Variants in EYS observed in about 807,000 individuals in gnomAD.
The protein encoded by EYS is EGF-like photoreceptor maintenance factor, also known as protein eyes shut homolog.
Under a neutral mutation model 282.1 loss-of-function variants are expected in EYS, and 250 were observed. That is an observed-to-expected ratio of 0.89 (90% CI 0.80 to 0.98). EYS has a LOEUF of 0.98. Ranked by LOEUF, EYS falls within the 50% of genes least tolerant of loss-of-function variation. EYS has a pLI of 0.00. For synonymous variants in EYS, 1,355 were observed against 1,282.9 expected (o/e 1.06, Z -1.20); for missense variants, 4,016 against 3,709.0 (o/e 1.08, Z -2.15).
At chr6:64,020,265 C>T (rs1024265119) in intron 33 of EYS, among the ~76,000 whole-genome samples, 2 of 152,094 alleles carry the variant, frequency 1.3e-5, no homozygotes, top group Non-Finnish European at 2.9e-5. Flanking sequence ...GTGGTGAATA[C>T]CCTAAGTATC....
At chr6:64,324,728 G>T (rs1263772924) in intron 29 of EYS, among the ~76,000 whole-genome samples, 1 of 152,156 alleles carries the variant, frequency 6.6e-6, no homozygotes, top group Non-Finnish European at 1.5e-5. Context: ...TAAAGACTCT[G>T]CCAAAAGGCT....
At chr6:63,942,956 C>G (rs144594966) in intron 35 of EYS, among the ~76,000 whole-genome samples, 1 of 152,256 alleles carries the variant, frequency 6.6e-6, no homozygotes, top group African/African-American at 2.4e-5. Flanking sequence ...TTATGATTTT[C>G]TTACTAGTGT....
intron 16 of EYS, among the ~76,000 whole-genome samples, chr6:64,907,030 T>C (rs1415157302): frequency 1.3e-5 from 2 of 152,128 alleles, no homozygotes; most frequent in Non-Finnish European, 2.9e-5. Flanking sequence ...TTAATCTTCA[T>C]GTGGTTTTGT....
At chr6:64,187,707 A>C (rs2150314960) in intron 31 of EYS, among the ~76,000 whole-genome samples, 1 of 152,208 alleles carries the variant, frequency 6.6e-6, no homozygotes, top group South Asian at 2.1e-4. Context: ...AGAGAGGAGA[A>C]ACCAGGAAGC....
At chr6:63,742,519 C>A (rs67959580) in intron 41 of EYS, among the ~76,000 whole-genome samples, 2 of 152,096 alleles carry the variant, frequency 1.3e-5, no homozygotes, top group African/African-American at 2.4e-5. Context: ...GTGGCAAGAG[C>A]CTTTACTTTC....
At chr6:65,654,561 G>A (rs979065014) in intron 1 of EYS, among the ~76,000 whole-genome samples, 1 of 151,752 alleles carries the variant, frequency 6.6e-6, no homozygotes, top group African/African-American at 2.4e-5. Flanking sequence ...AAAACTGATA[G>A]ATATCAGAAA....
chr6:64,960,462 T>G (rs371822387), intron 14 of EYS, among the ~76,000 whole-genome samples: 55 of 152,296 alleles, frequency 3.6e-4, no homozygotes, highest in African/African-American at 1.3e-3. Flanking sequence ...TACAGTGTTT[T>G]GTATAACTTT....
chr6:64,105,113 A>G (rs112319239), intron 31 of EYS, among the ~76,000 whole-genome samples: 38 of 152,166 alleles, frequency 2.5e-4, no homozygotes, highest in African/African-American at 8.9e-4. Context: ...AAGAGGAAAG[A>G]AAATTCAAAG....
intron 30 of EYS, among the ~76,000 whole-genome samples, chr6:64,302,031 A>G (rs759911306): frequency 2.2e-4 from 33 of 152,318 alleles, no homozygotes; most frequent in Admixed American, 5.9e-4. Context: ...TCTAAAGCAC[A>G]CCCTGTGTGC....
At chr6:65,523,807 C>T (rs1248180364) in intron 2 of EYS, among the ~76,000 whole-genome samples, 3 of 152,132 alleles carry the variant, frequency 2.0e-5, no homozygotes, top group Non-Finnish European at 4.4e-5. Flanking sequence ...GGATGGTTTG[C>T]TGAGTTAGTG....
intron 12 of EYS, among the ~76,000 whole-genome samples, chr6:65,254,059 A>G (rs1767396374): frequency 6.6e-6 from 1 of 151,898 alleles, no homozygotes; most frequent in Admixed American, 6.6e-5. Flanking sequence ...AAAGTTTCTA[A>G]GAAGGCTTGC....
intron 29 of EYS, among the ~76,000 whole-genome samples, chr6:64,362,213 CAT>C (rs1772037873): frequency 1.3e-5 from 2 of 151,676 alleles, no homozygotes; most frequent in Non-Finnish European, 3.0e-5. Flanking sequence ...AACAGTAAGA[CAT>C]AGAAAAATAA....
At position 64,045,324 on chromosome 6, in the gene EYS, C is replaced by T. The variant is rs556869333; in HGVS notation, c.6725+21014G>A. Among the ~76,000 whole-genome samples, 487 of 151,542 alleles carry T rather than the reference C, an allele frequency of 3.2e-3. 1 individual carries two copies. Among genetic ancestry groups the T allele is most frequent in the Non-Finnish European group, 6.0e-3 (405 of 67,894 alleles). On this transcript the variant is annotated intron_variant, in intron 33 of 42. Transcript: ENST00000503581. ...AACGTTTTTACTGAGGTGGATACTG[C>T]TATTATTTCCCTATTTTTCCCGAAG...
chr6:65,430,543 C>T (rs925631716), intron 5 of EYS, among the ~76,000 whole-genome samples: 9 of 152,164 alleles, frequency 5.9e-5, no homozygotes, highest in Non-Finnish European at 1.0e-4. Flanking sequence ...TTGTGGGGAA[C>T]GTGACATACA....
intron 22 of EYS, among the ~76,000 whole-genome samples, chr6:64,761,522 C>A (rs1017517363): frequency 6.6e-6 from 1 of 152,228 alleles, no homozygotes; most frequent in Middle Eastern, 3.4e-3. Flanking sequence ...CACTCTGTGG[C>A]CAGGCTGGAA....
intron 30 of EYS, among the ~76,000 whole-genome samples, chr6:64,257,766 G>GGAT (rs3072582): frequency 0.022 from 3,225 of 149,298 alleles, 90 homozygotes; most frequent in African/African-American, 0.068. Context: ...TGAATGGTGT[G>GGAT]GATGATGATG....
intron 35 of EYS, among the ~76,000 whole-genome samples, chr6:63,977,831 C>A (rs1167722586): frequency 6.6e-6 from 1 of 151,920 alleles, no homozygotes; most frequent in South Asian, 2.1e-4. Flanking sequence ...CCAAGCCAGA[C>A]CCAAACCTGG....
intron 2 of EYS, among the ~76,000 whole-genome samples, chr6:65,552,774 A>G (rs961269027): frequency 1.1e-4 from 16 of 152,136 alleles, no homozygotes; most frequent in African/African-American, 3.8e-4. Context: ...TCAAACTGTG[A>G]TGATACTAAT....
rs373392180 is a variant in EYS, at chr6:65,246,433, T to G, written c.2023+49430A>C. ...TAACATTATTTAATTATTCATGTCT[T>G]ATGGTATGCCAGAGGACAAAATCAA... On this transcript the variant is annotated intron_variant, in intron 12 of 42. Transcript: ENST00000503581. Among the ~76,000 whole-genome samples the G allele has an allele frequency of 1.9e-4, 29 of 152,246 alleles. No homozygotes were observed. The East Asian group carries it at 5.4e-3, about 28-fold the overall frequency.
Sources: allele counts gnomAD v4.1 joint callset (sites outside exome capture counted in the v4.1 genomes callset), GRCh38; gene constraint gnomAD v4.1.1; transcripts MANE v1.5; gene names NCBI Gene and HGNC (gene_info 2026-07-23, HGNC 2026-07-21).